The following CTNNA3 variants were observed in gnomAD, a reference collection of about 807,000 sequenced individuals.
The protein encoded by CTNNA3 is catenin alpha 3.
Under a neutral mutation model 95.7 loss-of-function variants are expected in CTNNA3, and 76 were observed. That is an observed-to-expected ratio of 0.79 (90% CI 0.66 to 0.96). The LOEUF (loss-of-function observed/expected upper bound fraction) is 0.96. CTNNA3 is among the 40% of genes least tolerant of loss of function. CTNNA3 has a pLI of 0.00. For synonymous variants in CTNNA3, 431 were observed against 374.4 expected, an observed-to-expected ratio of 1.15 and a Z score of -1.74; for missense variants, 1,191 against 1,089.8, an observed-to-expected ratio of 1.09 and a Z score of -1.31.
At chr10:67,588,597 C>A (rs2133341017) in intron 3 of CTNNA3, among the ~76,000 whole-genome samples, 1 of 152,036 alleles carries the variant, frequency 6.6e-6, no homozygotes, top group Admixed American at 6.6e-5. Context: ...GTGGGCTAAG[C>A]ATTAAAGTAT....
chr10:67,084,891 A>C (rs1485593116), intron 7 of CTNNA3, among the ~76,000 whole-genome samples: 1 of 151,908 alleles, frequency 6.6e-6, no homozygotes, highest in Non-Finnish European at 1.5e-5. Context: ...TAATAATAAG[A>C]AAACCAGTTT....
intron 10 of CTNNA3, among the ~76,000 whole-genome samples, chr10:66,540,182 C>T (rs1841801048): frequency 6.6e-6 from 1 of 152,032 alleles, no homozygotes; most frequent in African/African-American, 2.4e-5. Context: ...GATGGCAGGA[C>T]ATTTTATAGA....
At chr10:67,474,949 T>C (rs549679570) in intron 5 of CTNNA3, among the ~76,000 whole-genome samples, 1 of 152,328 alleles carries the variant, frequency 6.6e-6, no homozygotes, top group South Asian at 2.1e-4. Flanking sequence ...AATGAAAACT[T>C]ACATTCATGT....
intron 15 of CTNNA3, among the ~76,000 whole-genome samples, chr10:66,067,870 C>T (rs1258296668): frequency 1.3e-5 from 2 of 151,958 alleles, no homozygotes; most frequent in African/African-American, 2.4e-5. Flanking sequence ...GAGCCGAGAT[C>T]GTGCCACTGC....
At chr10:66,996,418 G>T (rs930181638) in intron 7 of CTNNA3, among the ~76,000 whole-genome samples, 1 of 152,020 alleles carries the variant, frequency 6.6e-6, no homozygotes, top group African/African-American at 2.4e-5. Flanking sequence ...GGCCGAGACG[G>T]GCAGATTGCC....
At chr10:66,654,728 G>A (rs936515503) in intron 9 of CTNNA3, among the ~76,000 whole-genome samples, 3 of 152,016 alleles carry the variant, frequency 2.0e-5, no homozygotes, top group Admixed American at 6.6e-5. Context: ...CATATGAATG[G>A]CTAAAGAAAA....
intron 14 of CTNNA3, among the ~76,000 whole-genome samples, chr10:66,072,277 A>C (rs2080454947): frequency 1.3e-5 from 2 of 152,214 alleles, no homozygotes; most frequent in Admixed American, 1.3e-4. Flanking sequence ...AAAAGCAGGC[A>C]GCAGGCCAGA....
intron 4 of CTNNA3, among the ~76,000 whole-genome samples, chr10:67,538,412 T>C (rs1462843099): frequency 1.3e-5 from 2 of 151,300 alleles, no homozygotes; most frequent in Non-Finnish European, 2.9e-5. Flanking sequence ...CCGTCTCTAC[T>C]AAAAATAAAT....
chr10:65,932,646 G>T (rs1402472407), intron 17 of CTNNA3, among the ~76,000 whole-genome samples: 1 of 152,026 alleles, frequency 6.6e-6, no homozygotes, highest in Non-Finnish European at 1.5e-5. Flanking sequence ...TTTGAGAAAA[G>T]GAAATATTTT....
chr10:66,430,429 G>C (rs940672576), intron 11 of CTNNA3, among the ~76,000 whole-genome samples: 20 of 152,152 alleles, frequency 1.3e-4, no homozygotes, highest in African/African-American at 4.3e-4. Context: ...AACCAAAAAA[G>C]AGCCTGCATT....
intron 1 of CTNNA3, among the ~76,000 whole-genome samples, chr10:67,726,538 A>G (rs1356948832): frequency 1.4e-5 from 1 of 72,784 alleles, no homozygotes; most frequent in Non-Finnish European, 2.3e-5. Flanking sequence ...ATATATTATT[A>G]TATATTACAT....
intron 11 of CTNNA3, among the ~76,000 whole-genome samples, chr10:66,410,080 ATTTTTAAAAGGAC>A (rs775376590): frequency 9.2e-5 from 14 of 152,218 alleles, no homozygotes; most frequent in Non-Finnish European, 1.9e-4. Flanking sequence ...ATACATCTAT[ATTTTTAAAAGGAC>A]TTTCTAACAT....
chr10:66,496,922 T>C (rs1840119242), intron 11 of CTNNA3, among the ~76,000 whole-genome samples: 1 of 152,102 alleles, frequency 6.6e-6, no homozygotes. Flanking sequence ...AAGGGTTTGT[T>C]TTCTCTGAGG....
At chr10:66,878,633 C>A (rs189478776) in intron 7 of CTNNA3, among the ~76,000 whole-genome samples, 2 of 152,212 alleles carry the variant, frequency 1.3e-5, no homozygotes, top group Admixed American at 6.5e-5. Context: ...CTAGGAGCAA[C>A]TGTGGTCAAG....
intron 7 of CTNNA3, among the ~76,000 whole-genome samples, chr10:66,993,772 T>C (rs1028846200): frequency 1.3e-5 from 2 of 152,082 alleles, no homozygotes; most frequent in African/African-American, 2.4e-5. Flanking sequence ...AATTAAAATA[T>C]TTATGACCTT....
chr10:67,419,474 T>G (rs143560267), intron 5 of CTNNA3, among the ~76,000 whole-genome samples: 2,408 of 151,948 alleles, frequency 0.016, 64 homozygotes, highest in Non-Finnish European at 0.017. Context: ...GTAGTGAGCA[T>G]AGTGCCTGAT....
intron 11 of CTNNA3, among the ~76,000 whole-genome samples, chr10:66,432,768 T>C (rs748452705): frequency 6.6e-6 from 1 of 152,038 alleles, no homozygotes; most frequent in Non-Finnish European, 1.5e-5. Context: ...ACTCATCATC[T>C]ACATCAGGTA....
chr10:66,605,125 AG>A (rs1844072869), intron 10 of CTNNA3, among the ~76,000 whole-genome samples: 1 of 152,170 alleles, frequency 6.6e-6, no homozygotes, highest in African/African-American at 2.4e-5. Context: ...GCAACATGAT[AG>A]AGCTAAAAAA....
intron 11 of CTNNA3, among the ~76,000 whole-genome samples, chr10:66,417,556 C>G (rs1208673091): frequency 6.6e-6 from 1 of 152,048 alleles, no homozygotes; most frequent in Non-Finnish European, 1.5e-5. Context: ...AACATTTTAT[C>G]CAACAACTGC....
Sources: gnomAD v4.1 joint callset for allele counts (sites outside exome capture counted in the v4.1 genomes callset) on GRCh38, gnomAD v4.1.1 for gene constraint, MANE v1.5 for transcripts, NCBI Gene and HGNC (gene_info 2026-07-23, HGNC 2026-07-21) for gene names.